The following PDE7B variants were observed in gnomAD, a reference collection of about 807,000 sequenced individuals.
The protein encoded by PDE7B is phosphodiesterase 7B.
In PDE7B, 29 loss-of-function variants were observed where a neutral mutation model predicts 56.2. The ratio of observed to expected loss-of-function variants is 0.52; its 90% CI spans 0.38 to 0.70. The LOEUF is 0.70. PDE7B is among the 30% of genes least tolerant of loss of function. PDE7B has a pLI of 0.00. For missense variants in PDE7B, 490 were observed against 565.0 expected, an observed-to-expected ratio of 0.87 and a Z score of 1.35; for synonymous variants, 197 against 196.9, an observed-to-expected ratio of 1.00 and a Z score of 0.00.
intron 5 of PDE7B, among the ~76,000 whole-genome samples, chr6:136,149,392 A>G (rs1029693601): frequency 3.3e-5 from 5 of 152,242 alleles, no homozygotes; most frequent in Admixed American, 1.3e-4. Context: ...TCCCAGAGGA[A>G]TTTAGAAACC....
intron 2 of PDE7B, among the ~76,000 whole-genome samples, chr6:135,969,403 T>C (rs1380612685): frequency 6.6e-6 from 1 of 152,164 alleles, no homozygotes; most frequent in Non-Finnish European, 1.5e-5. Flanking sequence ...TGAAAGAAAC[T>C]TCTCTATAAT....
At chr6:135,945,021 C>T (rs540075838) in intron 1 of PDE7B, among the ~76,000 whole-genome samples, 10 of 152,114 alleles carry the variant, frequency 6.6e-5, no homozygotes, top group African/African-American at 2.2e-4. Context: ...AAGTTTAGAA[C>T]ATTTAGGAAA....
At chr6:135,902,281 G>A (rs1168883839) in intron 1 of PDE7B, among the ~76,000 whole-genome samples, 1 of 151,708 alleles carries the variant, frequency 6.6e-6, no homozygotes, top group Non-Finnish European at 1.5e-5. Context: ...TGACGTCAAT[G>A]GAAGCAGAGC....
intron 1 of PDE7B, among the ~76,000 whole-genome samples, chr6:135,901,885 A>G (rs1269862374): frequency 6.6e-6 from 1 of 152,168 alleles, no homozygotes; most frequent in Non-Finnish European, 1.5e-5. Context: ...GAGCTGAGCA[A>G]TGAAATAGAA....
chr6:136,127,149 T>C (rs557861663), intron 3 of PDE7B, among the ~76,000 whole-genome samples: 5 of 152,238 alleles, frequency 3.3e-5, no homozygotes, highest in Admixed American at 2.0e-4. Flanking sequence ...TGACCAGCCA[T>C]TGAAAAATTG....
At chr6:136,151,104 C>A in intron 5 of PDE7B, 56 bp from the exon 6 acceptor site, 2 of 876,946 alleles carry the variant, frequency 2.3e-6, no homozygotes, top group South Asian at 1.4e-5. Flanking sequence ...TATTGTCAAT[C>A]TTGATATTTT....
chr6:135,993,561 A>G (rs937233899), intron 2 of PDE7B, among the ~76,000 whole-genome samples: 3 of 152,188 alleles, frequency 2.0e-5, no homozygotes, highest in African/African-American at 7.2e-5. Context: ...TTCTCCCTTA[A>G]ACTAGGTAAA....
chr6:136,000,776 GACAA>G (rs1318848911), intron 2 of PDE7B, among the ~76,000 whole-genome samples: 4 of 152,208 alleles, frequency 2.6e-5, no homozygotes, highest in Admixed American at 6.5e-5. Flanking sequence ...GCAGGGCACA[GACAA>G]ACAAAAAGAC....
intron 2 of PDE7B, among the ~76,000 whole-genome samples, chr6:135,977,390 C>G (rs1775205790): frequency 6.6e-6 from 1 of 152,044 alleles, no homozygotes; most frequent in South Asian, 2.1e-4. Flanking sequence ...AGATTCGGTC[C>G]CAGCTCCACC....
In PDE7B at chr6:136,192,479, T is replaced by C. The variant is rs1366063608; in HGVS notation, c.*639T>C. 6.6e-6 allele frequency: 1 copy of C among 152,382 alleles called. No homozygotes were observed. The highest frequency in any genetic ancestry group is 6.5e-5 in the Admixed American group (1 of 15,280). The allele number at this position is 152,382 out of a possible 1,614,324, so 9.4% of individuals were successfully genotyped here. On this transcript the variant is annotated 3_prime_UTR_variant, in exon 13 of 13. Coordinates refer to ENST00000308191, the MANE Select transcript of PDE7B (RefSeq NM_018945.4). ...TTGCTATTGACTTTATTATGCCACT[T>C]TGGGGCAGAGACTTGGCATCTTCGC...
chr6:135,947,486 AGAACCCC>A lies in PDE7B; in HGVS notation c.47_53del (p.Asn16IlefsTer15). The A allele has an allele frequency of 6.2e-7, 1 of 1,612,510 alleles. No individual in the cohort carries two copies. On this transcript the variant is annotated frameshift_variant, in exon 2 of 13. Coordinates refer to ENST00000308191, the MANE Select transcript of PDE7B (RefSeq NM_018945.4). LOFTEE classifies it high-confidence loss of function. Reference sequence around the variant, plus strand: ...CAGAGGTGTGGCGAAATCTTGTTTGAGAACCCCGATCAGAATGCCAAATGTGTTTGCA... The same window carrying A: ...CAGAGGTGTGGCGAAATCTTGTTTGAGATCAGAATGCCAAATGTGTTTGCA...
At chr6:135,942,787 G>A (rs936949155) in intron 1 of PDE7B, among the ~76,000 whole-genome samples, 9 of 151,852 alleles carry the variant, frequency 5.9e-5, no homozygotes, top group Non-Finnish European at 8.8e-5. Flanking sequence ...TTAACATAAT[G>A]TCCTCCAGAT....
At chr6:136,081,468 G>A (rs1444778595) in intron 2 of PDE7B, among the ~76,000 whole-genome samples, 1 of 152,172 alleles carries the variant, frequency 6.6e-6, no homozygotes, top group African/African-American at 2.4e-5. Context: ...TGGGGGGATG[G>A]TGGTTATTAA....
chr6:135,926,383 G>T (rs1265745738), intron 1 of PDE7B, among the ~76,000 whole-genome samples: 1 of 152,132 alleles, frequency 6.6e-6, no homozygotes, highest in Admixed American at 6.5e-5. Context: ...CACCATGCCC[G>T]GCAAACCTCT....
intron 2 of PDE7B, among the ~76,000 whole-genome samples, chr6:135,980,006 A>C (rs1388314106): frequency 6.6e-6 from 1 of 152,194 alleles, no homozygotes; most frequent in African/African-American, 2.4e-5. Context: ...CAAAAGAACA[A>C]AGCTGAAGGC....
rs869049424 is a variant in PDE7B, at chr6:135,906,810, G to GTTTTTTTT, written c.22-40635_22-40628dup. On this transcript the variant is annotated intron_variant, in intron 1 of 12. Transcript: ENST00000308191. ...TTTGACTCAAATGTTAATGAGGTTT[G>GTTTTTTTT]TTTTTTTTTTTTTTTTTTTTTTTTT... Among the ~76,000 whole-genome samples the GTTTTTTTT allele has an allele frequency of 2.3e-3, 138 of 59,534 alleles. 22 individuals are homozygous for GTTTTTTTT. The highest frequency in any genetic ancestry group is 3.8e-3 in the East Asian group (7 of 1,858). The allele number at this position is 59,534 out of a possible 152,430, so 39.1% of individuals were successfully genotyped here. A position where few individuals can be genotyped will look rare whatever the true frequency, so the allele number is the denominator to read the frequency against.
intron 3 of PDE7B, among the ~76,000 whole-genome samples, chr6:136,138,602 TAAG>T (rs1293669694): frequency 1.3e-5 from 2 of 152,142 alleles, no homozygotes; most frequent in African/African-American, 4.8e-5. Flanking sequence ...TGTCCTCAAA[TAAG>T]AAAGTTAAGT....
intron 7 of PDE7B, among the ~76,000 whole-genome samples, chr6:136,155,351 A>G (rs1301174685): frequency 6.6e-6 from 1 of 152,222 alleles, no homozygotes; most frequent in African/African-American, 2.4e-5. Context: ...CAGCAATGCC[A>G]TCACAACAAC....
chr6:135,993,423 C>T (rs1016750759), intron 2 of PDE7B, among the ~76,000 whole-genome samples: 2 of 152,152 alleles, frequency 1.3e-5, no homozygotes, highest in African/African-American at 4.8e-5. Flanking sequence ...GTGATTCTAG[C>T]ATCAGGCTCA....
Sources: gnomAD v4.1 joint callset for allele counts (sites outside exome capture counted in the v4.1 genomes callset) on GRCh38, gnomAD v4.1.1 for gene constraint, MANE v1.5 for transcripts, NCBI Gene and HGNC (gene_info 2026-07-23, HGNC 2026-07-21) for gene names.